LRRK1: variants seen among roughly 807,000 people sequenced by gnomAD.
LRRK1 encodes the protein leucine-rich repeat serine/threonine-protein kinase 1.
A neutral mutation model predicts 209.1 loss-of-function variants in LRRK1; 113 were observed. The observed-to-expected ratio is 0.54, with a 90% confidence interval of 0.46 to 0.63. The LOEUF is 0.63. Ranked by LOEUF, LRRK1 falls within the 30% of genes least tolerant of loss-of-function variation. The probability of loss-of-function intolerance (pLI) is 0.00; values close to 1 mark genes in which losing one functional copy is unlikely to be tolerated. For synonymous variants in LRRK1, 1,144 were observed against 1,099.7 expected, an observed-to-expected ratio of 1.04 and a Z score of -0.80; for missense variants, 2,284 against 2,632.2, an observed-to-expected ratio of 0.87 and a Z score of 2.89.
chr15:101,009,770 T>G (rs1011029110), intron 7 of LRRK1, among the ~76,000 whole-genome samples: 52 of 152,116 alleles, frequency 3.4e-4, no homozygotes, highest in African/African-American at 1.2e-3. Context: ...GTATTTTTAG[T>G]AGAGACGGGG....
At position 101,068,797 on chromosome 15, in the gene LRRK1, G is replaced by C. The variant is rs2036671093; in HGVS notation, c.5997G>C (p.Gln1999His). Residue 1999 changes from glutamine (Q) to histidine (H), a missense_variant, in exon 34 of 34, where the codon CAG (glutamine) becomes CAC (histidine). Transcript: ENST00000388948. ...CCAGGGAGTTCGACATTTTCTACCA[G>C]TCCTACGAGGAGCTGGGCCGGCTGG... ...WGAREFDIFY[Q>H]SYEELGRLEA... The C allele has an allele frequency of 1.2e-6, 2 of 1,612,982 alleles. No homozygotes were observed. The highest frequency in any genetic ancestry group is 1.7e-5 in the Admixed American group (1 of 59,924).
At chr15:101,031,349 G>C (rs60622180) in intron 20 of LRRK1, among the ~76,000 whole-genome samples, 2 of 152,104 alleles carry the variant, frequency 1.3e-5, no homozygotes, top group South Asian at 4.1e-4. Flanking sequence ...CTTCTCAACC[G>C]CACAGAGTCA....
At chr15:101,058,273 C>A in intron 29 of LRRK1, 132 bp downstream of exon 29, 1 of 837,588 alleles carries the variant, frequency 1.2e-6, no homozygotes, top group Non-Finnish European at 1.8e-6. Flanking sequence ...CCTGGTTAGA[C>A]TGCACTCAAG....
chr15:100,953,913 G>A (rs1291305628), intron 2 of LRRK1, among the ~76,000 whole-genome samples: 1 of 151,428 alleles, frequency 6.6e-6, no homozygotes, highest in Admixed American at 6.6e-5. Context: ...TTGTTTGTTT[G>A]TTTTGTTGTT....
At chr15:101,066,610 C>T (rs773689124) in intron 32 of LRRK1, 30 bp from the exon 33 acceptor site, 21 of 1,603,266 alleles carry the variant, frequency 1.3e-5, no homozygotes, top group African/African-American at 9.4e-5. Flanking sequence ...ACCGACAAAT[C>T]GCTTCCCCTT....
At chr15:101,008,718 G>C in intron 6 of LRRK1, 119 bp from the exon 7 acceptor site, 3 of 775,388 alleles carry the variant, frequency 3.9e-6, no homozygotes, top group East Asian at 2.7e-5. Context: ...AGGCCTCTTG[G>C]GACCCGGGCT....
rs1227945449 is a variant in LRRK1, at chr15:101,070,471, A to G, written c.*1623A>G. ...TCTCCTCTCATTCCAGTGCCCCACAACTGCCCAGTTAACCCCCAGATGCAA... is the reference window on the plus strand; with the variant it reads ...TCTCCTCTCATTCCAGTGCCCCACAGCTGCCCAGTTAACCCCCAGATGCAA... On this transcript the variant is annotated 3_prime_UTR_variant, in exon 34 of 34. Coordinates refer to ENST00000388948, the MANE Select transcript of LRRK1 (RefSeq NM_024652.6). The G allele has an allele frequency of 1.3e-5, 2 of 152,054 alleles. No individual in the cohort carries two copies. The highest frequency in any genetic ancestry group is 2.9e-5 in the Non-Finnish European group (2 of 68,080). The allele number at this position is 152,054 out of a possible 1,614,324, so 9.4% of individuals were successfully genotyped here.
At chr15:101,023,958 T>G (rs760378920) in intron 15 of LRRK1, among the ~76,000 whole-genome samples, 1 of 152,242 alleles carries the variant, frequency 6.6e-6, no homozygotes. Context: ...TTAACAGTTA[T>G]GCAATCTCAT....
At chr15:100,922,915 A>G (rs1442354020) in intron 1 of LRRK1, among the ~76,000 whole-genome samples, 2 of 152,198 alleles carry the variant, frequency 1.3e-5, no homozygotes, top group African/African-American at 4.8e-5. Flanking sequence ...TGACGAGTCC[A>G]GTCCACCTGG....
At chr15:100,935,606 G>A (rs538297774) in intron 2 of LRRK1, among the ~76,000 whole-genome samples, 1 of 152,314 alleles carries the variant, frequency 6.6e-6, no homozygotes, top group South Asian at 2.1e-4. Flanking sequence ...TGGAGAGAAG[G>A]CACCAGGAGG....
intron 2 of LRRK1, among the ~76,000 whole-genome samples, chr15:100,938,986 G>A (rs528802714): frequency 3.9e-5 from 6 of 152,258 alleles, no homozygotes; most frequent in East Asian, 1.9e-4. Context: ...CCAGCTACTC[G>A]GGAGACTGAG....
intron 12 of LRRK1, among the ~76,000 whole-genome samples, chr15:101,018,566 C>G (rs546659442): frequency 6.6e-6 from 1 of 152,220 alleles, no homozygotes; most frequent in Non-Finnish European, 1.5e-5. Flanking sequence ...GAGGAGTGTG[C>G]AAGGAAGTGG....
At chr15:101,012,591 C>T (rs1356597535) in intron 10 of LRRK1, among the ~76,000 whole-genome samples, 1 of 152,194 alleles carries the variant, frequency 6.6e-6, no homozygotes, top group South Asian at 2.1e-4. Flanking sequence ...CAGAAGGGGC[C>T]CCATCAGGGC....
intron 2 of LRRK1, among the ~76,000 whole-genome samples, chr15:100,946,710 G>C (rs2042546463): frequency 6.6e-6 from 1 of 152,112 alleles, no homozygotes; most frequent in African/African-American, 2.4e-5. Context: ...AAAAGTCTAG[G>C]AAAATGATGA....
intron 29 of LRRK1, 144 bp from the exon 30 acceptor site, chr15:101,061,027 G>A (rs913398401): frequency 4.4e-5 from 30 of 677,882 alleles, no homozygotes; most frequent in East Asian, 3.8e-4. Context: ...GGCAGAACCC[G>A]GCTCTGCCCT....
rs550866256 is a variant in LRRK1, at chr15:101,024,254, A to G, written c.2068-549A>G. 1.3e-5 allele frequency among the ~76,000 whole-genome samples: 2 copies of G among 152,348 alleles called. No individual in the cohort carries two copies. The highest frequency in any genetic ancestry group is 4.8e-5 in the African/African-American group (2 of 41,582). On this transcript the variant is annotated intron_variant, in intron 15 of 33. Coordinates refer to ENST00000388948, the MANE Select transcript of LRRK1 (RefSeq NM_024652.6). The surrounding 1 kb of genome is among the most constrained non-coding windows in gnomAD (Gnocchi z 4.6). ...TTCTGTAGAAAACTGCAGCCTTAGC[A>G]TCCAGGGCCAGACTCTTACCTCATG...
intron 2 of LRRK1, among the ~76,000 whole-genome samples, chr15:100,952,196 G>C (rs571966192): frequency 4.6e-5 from 7 of 152,150 alleles, no homozygotes; most frequent in Non-Finnish European, 7.3e-5. Flanking sequence ...ACTGGTATAA[G>C]CGTATATTTG....
At chr15:100,953,295 C>A (rs547007110) in intron 2 of LRRK1, among the ~76,000 whole-genome samples, 1 of 152,208 alleles carries the variant, frequency 6.6e-6, no homozygotes, top group East Asian at 1.9e-4. Context: ...TCTCCCATGC[C>A]CCAGCTCTTG....
At chr15:100,988,006 C>T (rs1417412979) in intron 4 of LRRK1, among the ~76,000 whole-genome samples, 1 of 152,118 alleles carries the variant, frequency 6.6e-6, no homozygotes, top group African/African-American at 2.4e-5. Flanking sequence ...TTTCATCACT[C>T]GGCATTATCT....
Sources: gnomAD v4.1 joint callset for allele counts (sites outside exome capture counted in the v4.1 genomes callset) on GRCh38, gnomAD v4.1.1 for gene constraint, Gnocchi (gnomAD v3.1) non-coding constraint, MANE v1.5 for transcripts, NCBI Gene and HGNC (gene_info 2026-07-23, HGNC 2026-07-21) for gene names.